Variants in SPIN1 observed in about 807,000 individuals in gnomAD.
SPIN1 encodes the protein spindlin-1.
A neutral mutation model predicts 26.0 loss-of-function variants in SPIN1; 3 were observed. That is an observed-to-expected ratio of 0.12 (90% CI 0.05 to 0.30). SPIN1 has a LOEUF of 0.30. Among genes scored for constraint, SPIN1 ranks in the 10% least tolerant of loss-of-function variants. The pLI is 1.00. For synonymous variants in SPIN1, 101 were observed against 116.5 expected, an observed-to-expected ratio of 0.87 and a Z score of 0.86; for missense variants, 126 against 333.4, an observed-to-expected ratio of 0.38 and a Z score of 4.84.
rs148110586 is a variant in SPIN1 at position 88,395,097 on chromosome 9, C to T, written c.-159+6559C>T. Among the ~76,000 whole-genome samples the T allele has an allele frequency of 3.7e-3, 556 of 151,998 alleles. 4 individuals are homozygous for T. The highest frequency in any genetic ancestry group is 0.013 in the African/African-American group (520 of 41,496). ...TGCTGGGATTACAGGCGTGAGCCACCGCGCCTGGCCTATTTAATGTATTTT... is the reference window on the plus strand; with the variant it reads ...TGCTGGGATTACAGGCGTGAGCCACTGCGCCTGGCCTATTTAATGTATTTT... On this transcript the variant is annotated intron_variant, in intron 1 of 5. Coordinates refer to ENST00000375859, the MANE Select transcript of SPIN1 (RefSeq NM_006717.3).
Position 88,475,035 on chromosome 9 carries a change from TTCTC to T in SPIN1, c.590-33_590-30del, listed in dbSNP as rs749902187. 192 of 1,341,990 alleles carry T rather than the reference TTCTC, an allele frequency of 1.4e-4. 1 individual carries two copies. Among genetic ancestry groups the T allele is most frequent in the South Asian group, 8.5e-4 (51 of 59,672 alleles). 83.1% of individuals were successfully genotyped at this position (1,341,990 alleles called of 1,614,324 possible). A position where few individuals can be genotyped will look rare whatever the true frequency, so the allele number is the denominator to read the frequency against. On this transcript the variant is annotated intron_variant, in intron 5 of 5. Transcript: ENST00000375859. The stretch of plus-strand genomic sequence containing the variant: ...ATATCTAAAAATTGACTTAGAAATT[TTCTC>T]TCTCTCTCTTTTTTTTTTTTTTTTT...
intron 2 of SPIN1, among the ~76,000 whole-genome samples, chr9:88,436,781 T>C: frequency 8.1e-6 from 1 of 123,404 alleles, no homozygotes; most frequent in South Asian, 2.5e-4. Context: ...TTTTTTTTTT[T>C]TGAGACGGAG....
chr9:88,405,392 C>G (rs1010473400), intron 1 of SPIN1, among the ~76,000 whole-genome samples: 1 of 149,864 alleles, frequency 6.7e-6, no homozygotes, highest in African/African-American at 2.5e-5. Flanking sequence ...CCATGCCCGG[C>G]TAATTCTTGT....
Position 88,468,554 on chromosome 9 carries a change from C to G in SPIN1, c.538C>G (p.Gln180Glu). The change falls in exon 5 of 6, where the codon CAA becomes GAA. Residue 180 changes from glutamine (Q) to glutamate (E), a missense_variant. Coordinates refer to ENST00000375859, the MANE Select transcript of SPIN1 (RefSeq NM_006717.3). ...YEKDPVLYMY[Q>E]LLDDYKEGDL... ...GAAAGACCCTGTCTTGTACATGTAC[C>G]AACTCTTAGATGATTACAAAGAAGG... 6.2e-7 allele frequency: 1 copy of G among 1,601,142 alleles called. No homozygotes were observed. The highest frequency in any genetic ancestry group is 8.5e-7 in the Non-Finnish European group (1 of 1,174,504).
Position 88,457,603 on chromosome 9 carries a change from T to C in SPIN1, c.102-4893T>C, listed in dbSNP as rs530745308. Among the ~76,000 whole-genome samples the C allele has an allele frequency of 4.5e-4, 68 of 152,250 alleles. No homozygotes were observed. In the South Asian group the frequency reaches 4.6e-3, roughly 10 times the overall value. On this transcript the variant is annotated intron_variant, in intron 3 of 5. Transcript: ENST00000375859. ...CAGAGGAACAAGGATCAGATTGGCT[T>C]CTATTGTCTGTAATTTTAGATGGTA...
At chr9:88,442,675 A>G (rs1041964793) in intron 2 of SPIN1, among the ~76,000 whole-genome samples, 19 of 151,394 alleles carry the variant, frequency 1.3e-4, no homozygotes, top group African/African-American at 3.9e-4. Flanking sequence ...GTGAGCCACC[A>G]TGCCTGGTGA....
chr9:88,405,391 G>A (rs1437918425), intron 1 of SPIN1, among the ~76,000 whole-genome samples: 1 of 149,580 alleles, frequency 6.7e-6, no homozygotes, highest in East Asian at 2.0e-4. Flanking sequence ...ACCATGCCCG[G>A]CTAATTCTTG....
chr9:88,411,470 A>G (rs1435461274), intron 1 of SPIN1: 2 of 1,126,166 alleles, frequency 1.8e-6, no homozygotes, highest in African/African-American at 1.6e-5. Context: ...ACATGATGGC[A>G]TGGAGAAGAG....
At chr9:88,393,015 C>T (rs539896017) in intron 1 of SPIN1, among the ~76,000 whole-genome samples, 10 of 152,216 alleles carry the variant, frequency 6.6e-5, no homozygotes, top group South Asian at 6.2e-4. Flanking sequence ...GTTGGAGGAA[C>T]CTGCCCATGT....
At chr9:88,410,995 G>A (rs1409260433) in intron 1 of SPIN1, 2 of 1,506,170 alleles carry the variant, frequency 1.3e-6, no homozygotes, top group Non-Finnish European at 9.1e-7. Flanking sequence ...CCACGGAGTT[G>A]TGGTCGTCAA....
At chr9:88,403,722 G>C (rs1223674315) in intron 1 of SPIN1, among the ~76,000 whole-genome samples, 3 of 151,726 alleles carry the variant, frequency 2.0e-5, no homozygotes, top group Non-Finnish European at 4.4e-5. Context: ...TCAAAGCGGG[G>C]GAAAAAAAAG....
intron 1 of SPIN1, among the ~76,000 whole-genome samples, chr9:88,405,292 G>C (rs966813945): frequency 1.3e-4 from 19 of 151,810 alleles, no homozygotes; most frequent in Admixed American, 2.0e-4. Context: ...GCAGTGGCAG[G>C]ATCTCGGCTC....
At chr9:88,442,616 C>G (rs1459496287) in intron 2 of SPIN1, among the ~76,000 whole-genome samples, 2 of 151,866 alleles carry the variant, frequency 1.3e-5, no homozygotes, top group African/African-American at 2.4e-5. Context: ...AACTCCTGAC[C>G]TCAAGTGATC....
chr9:88,467,285 A>G (rs1024823611), intron 4 of SPIN1, among the ~76,000 whole-genome samples: 12 of 152,210 alleles, frequency 7.9e-5, no homozygotes, highest in African/African-American at 2.7e-4. Flanking sequence ...ATTAAATCAT[A>G]CAAATACTGA....
intron 1 of SPIN1, among the ~76,000 whole-genome samples, chr9:88,400,844 CA>C (rs754813928): frequency 0.056 from 5,556 of 99,680 alleles, 207 homozygotes; most frequent in African/African-American, 0.12. Flanking sequence ...GACTCCGCCT[CA>C]AAAAAAAAAA....
At chr9:88,413,084 T>G (rs1827486347) in intron 1 of SPIN1, among the ~76,000 whole-genome samples, 1 of 138,880 alleles carries the variant, frequency 7.2e-6, no homozygotes, top group Admixed American at 7.0e-5. Flanking sequence ...TTTTTTTTTT[T>G]GAGATGGAGT....
At chr9:88,407,346 T>C (rs1436164926) in intron 1 of SPIN1, among the ~76,000 whole-genome samples, 1 of 151,884 alleles carries the variant, frequency 6.6e-6, no homozygotes, top group East Asian at 2.0e-4. Flanking sequence ...GGTTTTGCCA[T>C]ATTGCCCAGG....
intron 2 of SPIN1, among the ~76,000 whole-genome samples, chr9:88,440,937 A>G (rs1233375316): frequency 6.6e-6 from 1 of 151,546 alleles, no homozygotes; most frequent in Non-Finnish European, 1.5e-5. Context: ...ACAAAAAACA[A>G]AAAACGCCCC....
At chr9:88,395,115 T>G (rs937181112) in intron 1 of SPIN1, among the ~76,000 whole-genome samples, 1 of 152,012 alleles carries the variant, frequency 6.6e-6, no homozygotes. Flanking sequence ...GCCTATTTAA[T>G]GTATTTTTTA....
Sources: gnomAD v4.1 joint callset for allele counts (sites outside exome capture counted in the v4.1 genomes callset) on GRCh38, gnomAD v4.1.1 for gene constraint, MANE v1.5 for transcripts, NCBI Gene and HGNC (gene_info 2026-07-23, HGNC 2026-07-21) for gene names.